LDAH: variants seen among roughly 807,000 people sequenced by gnomAD.
The protein encoded by LDAH is lipid droplet-associated hydrolase.
A neutral mutation model predicts 29.6 loss-of-function variants in LDAH; 26 were observed. That is an observed-to-expected ratio of 0.88 (90% confidence interval 0.64 to 1.22). The LOEUF (loss-of-function observed/expected upper bound fraction) is 1.22, where lower values mean the gene tolerates loss of function less well. Among genes scored for constraint, LDAH ranks in the 50% most tolerant of loss-of-function variants. LDAH has a pLI of 0.00. For synonymous variants in LDAH, 117 were observed against 133.0 expected (o/e 0.88, Z 0.83); for missense variants, 344 against 387.3 (o/e 0.89, Z 0.94).
chr2:20,723,095 C>T (rs1376206675), intron 5 of LDAH, among the ~76,000 whole-genome samples: 1 of 152,152 alleles, frequency 6.6e-6, no homozygotes, highest in African/African-American at 2.4e-5. Context: ...GGAAACAACC[C>T]AAGTATTCAT....
intron 5 of LDAH, among the ~76,000 whole-genome samples, chr2:20,715,488 T>C (rs77037982): frequency 0.18 from 27,517 of 152,172 alleles, 2,873 homozygotes; most frequent in African/African-American, 0.28. Context: ...GGATGCCCTA[T>C]CTCACCACAC....
chr2:20,719,734 G>A (rs1016501052), intron 5 of LDAH, among the ~76,000 whole-genome samples: 2 of 151,992 alleles, frequency 1.3e-5, no homozygotes, highest in Non-Finnish European at 2.9e-5. Context: ...CAAAATACTA[G>A]CAAACTGAAT....
intron 2 of LDAH, among the ~76,000 whole-genome samples, chr2:20,792,492 C>T (rs1661234172): frequency 6.6e-6 from 1 of 152,096 alleles, no homozygotes; most frequent in Non-Finnish European, 1.5e-5. Flanking sequence ...AATCATAATA[C>T]TGAATTTTTA....
At chr2:20,703,879 G>A (rs1664133000) in intron 5 of LDAH, among the ~76,000 whole-genome samples, 1 of 152,152 alleles carries the variant, frequency 6.6e-6, no homozygotes, top group Admixed American at 6.5e-5. Context: ...CTTATTTTAG[G>A]CGCTGGAGAT....
rs754362554 is a variant in LDAH at position 20,687,110 on chromosome 2, A to G, written c.787-16T>C. ...AAAATGTAAGCTGAAAGACAAGACAAAAACCTTTTATTAGAAAACACGTTC... is the reference window on the plus strand; with the variant it reads ...AAAATGTAAGCTGAAAGACAAGACAGAAACCTTTTATTAGAAAACACGTTC... On this transcript the variant is annotated splice_polypyrimidine_tract_variant and intron_variant, in intron 6 of 6. Transcript: ENST00000237822. 2.5e-6 allele frequency: 4 copies of G among 1,595,444 alleles called. No homozygotes were observed. In the Admixed American group the frequency reaches 7.0e-5, roughly 28 times the overall value.
Position 20,790,277 on chromosome 2 carries a change from C to T in LDAH, c.276G>A (p.Lys92=), listed in dbSNP as rs3732141. Residue 92 remains lysine (K), a synonymous_variant, in exon 3 of 7, where the codon AAG becomes AAA. Transcript: ENST00000237822. ...TACCCTCTGATGTTGTAAGAATCTT[C>T]TTGTCTTTGGGAGCCAACGCATGCC... ...HAGHALAPKD[K]KILTTSEDSN... The T allele has an allele frequency of 1.5e-5, 25 of 1,614,152 alleles. No individual in the cohort carries two copies. In the East Asian group the frequency reaches 5.6e-4, roughly 36 times the overall value.
At chr2:20,731,515 T>C (rs1348933683) in intron 5 of LDAH, among the ~76,000 whole-genome samples, 1 of 152,190 alleles carries the variant, frequency 6.6e-6, no homozygotes, top group African/African-American at 2.4e-5. Context: ...AATTACCCAG[T>C]GTGAGAGTGC....
intron 1 of LDAH, among the ~76,000 whole-genome samples, chr2:20,810,596 G>C (rs1672401236): frequency 6.6e-6 from 1 of 152,182 alleles, no homozygotes; most frequent in African/African-American, 2.4e-5. Context: ...GCAAAGTTAA[G>C]TTAAACACAA....
intron 4 of LDAH, among the ~76,000 whole-genome samples, chr2:20,771,775 CACACATTATTTTCT>C (rs1669445701): frequency 6.5e-4 from 1 of 1,540 alleles, no homozygotes; most frequent in African/African-American, 8.1e-4. Context: ...CAATTTATTG[CACACATTATTTTCT>C]AGCTTACACC....
At chr2:20,758,083 C>T (rs898583789) in intron 4 of LDAH, among the ~76,000 whole-genome samples, 4 of 151,996 alleles carry the variant, frequency 2.6e-5, no homozygotes, top group African/African-American at 9.7e-5. Context: ...CACAAGCATA[C>T]GGATAGACAA....
intron 4 of LDAH, among the ~76,000 whole-genome samples, chr2:20,744,236 T>G (rs1184551915): frequency 6.6e-6 from 1 of 151,838 alleles, no homozygotes; most frequent in Non-Finnish European, 1.5e-5. Context: ...TTTTTTTTTT[T>G]TTTTTTGCCT....
intron 6 of LDAH, among the ~76,000 whole-genome samples, chr2:20,692,700 A>G (rs910836434): frequency 3.9e-5 from 6 of 152,364 alleles, no homozygotes; most frequent in African/African-American, 1.4e-4. Flanking sequence ...GGTACAAACG[A>G]TATCTCATCA....
In LDAH at chr2:20,686,900, A is replaced by G. The variant is rs541858200; in HGVS notation, c.*3T>C. ...GCAGTGGGGGCTTGTTCCTCAGGCC[A>G]ATTTACATTTTGGACAAGTCATCCT... On this transcript the variant is annotated 3_prime_UTR_variant, in exon 7 of 7. Coordinates refer to ENST00000237822, the MANE Select transcript of LDAH (RefSeq NM_021925.4). The G allele has an allele frequency of 1.2e-6, 2 of 1,612,038 alleles. No homozygotes were observed. Among genetic ancestry groups the G allele is most frequent in the South Asian group, 2.2e-5 (2 of 90,750 alleles).
intron 1 of LDAH, among the ~76,000 whole-genome samples, chr2:20,807,618 A>G (rs753622207): frequency 2.0e-5 from 3 of 152,070 alleles, no homozygotes; most frequent in Non-Finnish European, 2.9e-5. Context: ...GATACAGAAA[A>G]TATTTCATAA....
chr2:20,745,684 T>C (rs758260829), intron 4 of LDAH, among the ~76,000 whole-genome samples: 2 of 152,178 alleles, frequency 1.3e-5, no homozygotes, highest in Non-Finnish European at 2.9e-5. Context: ...TAAGATATAA[T>C]TGAGGCTAAT....
At chr2:20,793,672 C>G (rs1671115499) in intron 2 of LDAH, among the ~76,000 whole-genome samples, 1 of 152,010 alleles carries the variant, frequency 6.6e-6, no homozygotes, top group East Asian at 1.9e-4. Context: ...AGGGTTAAGG[C>G]ATAATCAGAT....
chr2:20,717,475 C>T (rs545111688), intron 5 of LDAH, among the ~76,000 whole-genome samples: 12 of 152,208 alleles, frequency 7.9e-5, no homozygotes, highest in African/African-American at 2.6e-4. Context: ...TGAAAAAGTA[C>T]TCACCCTCAT....
intron 1 of LDAH, among the ~76,000 whole-genome samples, chr2:20,808,500 A>G (rs778367555): frequency 4.6e-5 from 7 of 151,924 alleles, no homozygotes; most frequent in Non-Finnish European, 1.0e-4. Context: ...CATCTCCACT[A>G]AGAATACAAA....
chr2:20,701,478 G>T, intron 6 of LDAH, 92 bp downstream of exon 6: 1 of 1,025,394 alleles, frequency 9.8e-7, no homozygotes, highest in Non-Finnish European at 1.5e-6. Context: ...AACCCTTAAA[G>T]TCTTACAGAT....
Sources: allele counts gnomAD v4.1 joint callset (sites outside exome capture counted in the v4.1 genomes callset), GRCh38; gene constraint gnomAD v4.1.1; transcripts MANE v1.5; gene names NCBI Gene and HGNC (gene_info 2026-07-23, HGNC 2026-07-21).